Variants in ETV3 observed in about 807,000 individuals in gnomAD.
ETV3 encodes the protein ETS translocation variant 3.
Under a neutral mutation model 33.0 loss-of-function variants are expected in ETV3, and 8 were observed. That is an observed-to-expected ratio of 0.24 (90% CI 0.14 to 0.44). ETV3 has a LOEUF of 0.44. Among genes scored for constraint, ETV3 ranks in the 20% least tolerant of loss-of-function variants. The pLI, the probability that ETV3 is intolerant of heterozygous loss-of-function variation, is 1.00. For missense variants in ETV3, 473 were observed against 652.3 expected (o/e 0.73, Z 2.99); for synonymous variants, 222 against 238.9 (o/e 0.93, Z 0.65).
At chr1:157,133,246 C>T (rs757930867) in intron 4 of ETV3, 18 of 210,022 alleles carry the variant, frequency 8.6e-5, no homozygotes, top group Non-Finnish European at 1.5e-4. Context: ...ATAAATTAAA[C>T]GTTATCACAG....
chr1:157,129,781 G>C (rs896590116), intron 4 of ETV3, among the ~76,000 whole-genome samples: 2 of 152,100 alleles, frequency 1.3e-5, no homozygotes, highest in African/African-American at 2.4e-5. Flanking sequence ...GAAGAAGGAA[G>C]TATAATGTGC....
intron 4 of ETV3, among the ~76,000 whole-genome samples, chr1:157,132,970 T>A (rs1284455367): frequency 6.6e-6 from 1 of 152,218 alleles, no homozygotes; most frequent in African/African-American, 2.4e-5. Flanking sequence ...TACTGCATGA[T>A]CAGCATTCTT....
intron 3 of ETV3, 39 bp from the exon 4 acceptor site, chr1:157,134,266 T>C: frequency 6.3e-7 from 1 of 1,597,712 alleles, no homozygotes; most frequent in Non-Finnish European, 8.5e-7. Flanking sequence ...GTCTTGTAGC[T>C]ACTGACAGCT....
At chr1:157,133,613 CAA>C in intron 4 of ETV3, 3 of 987,076 alleles carry the variant, frequency 3.0e-6, no homozygotes, top group Non-Finnish European at 3.6e-6. Context: ...TGTTGCAGAT[CAA>C]AGACACTGCT....
At chr1:157,126,468 C>G (rs982800303) in intron 4 of ETV3, among the ~76,000 whole-genome samples, 7 of 151,998 alleles carry the variant, frequency 4.6e-5, no homozygotes, top group Non-Finnish European at 1.0e-4. Context: ...TATATATATT[C>G]GTGTGTGTGT....
chr1:157,134,192 T>G lies in ETV3; in HGVS notation c.320A>C (p.Lys107Thr), dbSNP rs1461992474. Reference protein sequence around the residue: ...YYNKRILHKTKGKRFTYKFNF... With the variant: ...YYNKRILHKTTGKRFTYKFNF... ...AAATTTATAGGTAAATCTTTTCCCT[T>G]TTGTTTTATGAAGGATCCTCTTGTT... The change falls in exon 4 of 5, where the codon AAA becomes ACA. Residue 107 changes from lysine to threonine, a missense_variant. This residue lies in a region of ETV3 where 410 missense variants were observed against 520.2 expected (regional missense o/e 0.79). Transcript: ENST00000368192. 6.2e-7 allele frequency: 1 copy of G among 1,613,862 alleles called. No individual in the cohort carries two copies.
intron 4 of ETV3, 28 bp from the exon 5 acceptor site, chr1:157,126,007 G>A (rs1236126347): frequency 2.0e-6 from 3 of 1,506,284 alleles, no homozygotes; most frequent in African/African-American, 1.4e-5. Flanking sequence ...ACAAAAGCCT[G>A]CATCAGAGGA....
rs1674783143 is a variant in ETV3, at chr1:157,124,688, C to T, written c.*153G>A. Reference sequence around the variant, plus strand: ...CCACCTAATTTACAACAGAAGATAACCCCATCCCATCCCCAAAACATAAAA... The same window carrying T: ...CCACCTAATTTACAACAGAAGATAATCCCATCCCATCCCCAAAACATAAAA... On this transcript the variant is annotated 3_prime_UTR_variant, in exon 5 of 5. Coordinates refer to ENST00000368192, the MANE Select transcript of ETV3 (RefSeq NM_001145312.3). 1 of 762,084 alleles carries T rather than the reference C, an allele frequency of 1.3e-6. No homozygotes were observed. The highest frequency in any genetic ancestry group is 2.1e-5 in the South Asian group (1 of 48,730). 47.2% of individuals were successfully genotyped at this position (762,084 alleles called of 1,614,324 possible).
chr1:157,125,323 G>T lies in ETV3; in HGVS notation c.1057C>A (p.Arg353=), dbSNP rs1324409517. 6.4e-7 allele frequency: 1 copy of T among 1,551,920 alleles called. No individual in the cohort carries two copies. The highest frequency in any genetic ancestry group is 8.7e-7 in the Non-Finnish European group (1 of 1,147,060). The change falls in exon 5 of 5, where the codon CGG becomes AGG. Residue 353 remains arginine (R), a synonymous_variant. Coordinates refer to ENST00000368192, the MANE Select transcript of ETV3 (RefSeq NM_001145312.3). This position sits in a 1 kb window ranked among gnomAD's most constrained non-coding sequence, Gnocchi z 4.0. ...CTCTCAACCCTCTCCCGGTTCTTCC[G>T]CCCAACTGGTGGGGGCTGCAGCTTG... ...SIKLQPPPVG[R]KNRERVESSE... is the part of the protein sequence containing the mutation.
intron 4 of ETV3, 65 bp from the exon 5 acceptor site, chr1:157,126,044 C>A: frequency 7.3e-7 from 1 of 1,376,112 alleles, no homozygotes; most frequent in Non-Finnish European, 9.6e-7. Flanking sequence ...ATCACTTATG[C>A]TAACTAAGTG....
rs1674709874 is a variant in ETV3, at chr1:157,121,474, C to G, written c.*3367G>C. ...CTCAAGCAGGTAACTAGTGAAGTCA[C>G]CTTTCACATGTAAATGTCTCATTCA... On this transcript the variant is annotated 3_prime_UTR_variant, in exon 5 of 5. Coordinates refer to ENST00000368192, the MANE Select transcript of ETV3 (RefSeq NM_001145312.3). The G allele has an allele frequency of 6.6e-6, 1 of 152,176 alleles. No individual in the cohort carries two copies. Among genetic ancestry groups the G allele is most frequent in the African/African-American group, 2.4e-5 (1 of 41,428 alleles). 9.4% of individuals were successfully genotyped at this position (152,176 alleles called of 1,614,324 possible).
At chr1:157,138,025 G>A (rs1675164792) in intron 1 of ETV3, among the ~76,000 whole-genome samples, 1 of 152,158 alleles carries the variant, frequency 6.6e-6, no homozygotes, top group Non-Finnish European at 1.5e-5. Flanking sequence ...GCAGCTCCGG[G>A]TCCTGGCTTC....
At chr1:157,126,776 A>C (rs1241714876) in intron 4 of ETV3, among the ~76,000 whole-genome samples, 21 of 146,474 alleles carry the variant, frequency 1.4e-4, no homozygotes, top group Admixed American at 1.4e-3. Flanking sequence ...GCCCTGGCTG[A>C]CTGTGCGGAG....
At chr1:157,135,271 T>C (rs1434904643) in intron 3 of ETV3, 200 bp downstream of exon 3, 2 of 661,948 alleles carry the variant, frequency 3.0e-6, no homozygotes, top group African/African-American at 1.8e-5. Context: ...CTCCTACGTA[T>C]AACCAAAGAT....
chr1:157,124,177 C>T lies in ETV3; in HGVS notation c.*664G>A, dbSNP rs532356433. On this transcript the variant is annotated 3_prime_UTR_variant, in exon 5 of 5. Coordinates refer to ENST00000368192, the MANE Select transcript of ETV3 (RefSeq NM_001145312.3). ...CACTATAATTGGCAGTATGTTTGTTCATGTTTCCTGAAAACATTTTCTTTA... is the reference window on the plus strand; with the variant it reads ...CACTATAATTGGCAGTATGTTTGTTTATGTTTCCTGAAAACATTTTCTTTA... 3.9e-4 allele frequency: 53 copies of T among 134,820 alleles called. 1 individual carries two copies. Among genetic ancestry groups the T allele is most frequent in the African/African-American group, 1.5e-3 (53 of 35,928 alleles). 8.4% of individuals were successfully genotyped at this position (134,820 alleles called of 1,614,324 possible). A position where few individuals can be genotyped will look rare whatever the true frequency, so the allele number is the denominator to read the frequency against.
At chr1:157,133,450 A>G in intron 4 of ETV3, 1 of 985,676 alleles carries the variant, frequency 1.0e-6, no homozygotes, top group Non-Finnish European at 1.2e-6. Context: ...ACACAACAAC[A>G]AAGTCTTTTG....
At chr1:157,131,669 G>A (rs978585427) in intron 4 of ETV3, among the ~76,000 whole-genome samples, 2 of 152,072 alleles carry the variant, frequency 1.3e-5, no homozygotes, top group Non-Finnish European at 2.9e-5. Context: ...CTTTGCTGTC[G>A]TTTTCCTAAT....
At chr1:157,133,987 T>A (rs113772942) in intron 4 of ETV3, 125 bp downstream of exon 4, 1 of 1,476,956 alleles carries the variant, frequency 6.8e-7, no homozygotes, top group African/African-American at 1.4e-5. Flanking sequence ...ATTGAGGCAA[T>A]CCAAAGGATC....
intron 4 of ETV3, among the ~76,000 whole-genome samples, chr1:157,130,838 C>T (rs1258345071): frequency 6.6e-6 from 1 of 152,128 alleles, no homozygotes; most frequent in African/African-American, 2.4e-5. Context: ...AGACAACTGT[C>T]ATTCGAATAC....
Sources: gnomAD v4.1 joint callset for allele counts (sites outside exome capture counted in the v4.1 genomes callset) on GRCh38, gnomAD v4.1.1 for gene constraint, gnomAD v4.1.1 regional missense constraint, Gnocchi (gnomAD v3.1) non-coding constraint, MANE v1.5 for transcripts, NCBI Gene and HGNC (gene_info 2026-07-23, HGNC 2026-07-21) for gene names.